Variants in PCDHGB4 observed in about 807,000 individuals in gnomAD.
The protein encoded by PCDHGB4 is protocadherin gamma subfamily B, 4.
PCDHGB4 carries 38 observed loss-of-function variants against 60.5 expected under a neutral mutation model. That is an observed-to-expected ratio of 0.63 (90% CI 0.48 to 0.82). PCDHGB4 has a LOEUF of 0.82. PCDHGB4 is among the 40% of genes least tolerant of loss of function. PCDHGB4 has a pLI of 0.00. For synonymous variants in PCDHGB4, 456 were observed against 509.7 expected (o/e 0.89, Z 1.42); for missense variants, 1,109 against 1,209.6 (o/e 0.92, Z 1.23).
At position 141,482,089 on chromosome 5, in the gene PCDHGB4, CAAA is replaced by C. The variant is rs36035257; in HGVS notation, c.2398-12704_2398-12702del. 2.7e-4 allele frequency among the ~76,000 whole-genome samples: 36 copies of C among 134,496 alleles called. No individual in the cohort carries two copies. The East Asian group carries it at 3.5e-3, about 13-fold the overall frequency. The allele number at this position is 134,496 out of a possible 152,430, so 88.2% of individuals were successfully genotyped here. On this transcript the variant is annotated intron_variant, in intron 1 of 3. Coordinates refer to ENST00000519479, the MANE Select transcript of PCDHGB4 (RefSeq NM_003736.4). ...AACAAGAACAAAACTCACTCCATCTCAAAAAAAAAAAAAAAATATCTAGAGATG... is the reference window on the plus strand; with the variant it reads ...AACAAGAACAAAACTCACTCCATCTCAAAAAAAAAAAAATATCTAGAGATG...
chr5:141,410,780 A>T, intron 1 of PCDHGB4: 1 of 803,810 alleles, frequency 1.2e-6, no homozygotes. Context: ...TTCACTATGT[A>T]TTTGGTTCAT....
chr5:141,460,795 G>GTA (rs2154567069), intron 1 of PCDHGB4, among the ~76,000 whole-genome samples: 1 of 151,608 alleles, frequency 6.6e-6, no homozygotes, highest in East Asian at 1.9e-4. Flanking sequence ...TACACACAAA[G>GTA]TATATATATG....
chr5:141,410,602 T>A, intron 1 of PCDHGB4: 4 of 1,607,792 alleles, frequency 2.5e-6, no homozygotes, highest in South Asian at 2.2e-5. Flanking sequence ...TGACTTCACA[T>A]CCTGAGACTC....
chr5:141,496,132 C>T (rs865808904), intron 2 of PCDHGB4, among the ~76,000 whole-genome samples: 1 of 152,058 alleles, frequency 6.6e-6, no homozygotes, highest in African/African-American at 2.4e-5. Flanking sequence ...CCCTCACACA[C>T]TGAGCCTTTG....
Position 141,423,176 on chromosome 5 carries a change from A to C in PCDHGB4, c.2397+32895A>C, listed in dbSNP as rs781125798. Reference sequence around the variant, plus strand: ...AGCCTCGTGGTGGCCGTCCAGGACCACGGCCAGCCCCCTCTCTCGGCCACC... The same window carrying C: ...AGCCTCGTGGTGGCCGTCCAGGACCCCGGCCAGCCCCCTCTCTCGGCCACC... On this transcript the variant is annotated intron_variant, in intron 1 of 3. Transcript: ENST00000519479. 1.7e-5 allele frequency: 28 copies of C among 1,613,356 alleles called. No homozygotes were observed. In the African/African-American group the frequency reaches 3.6e-4, roughly 21 times the overall value.
intron 1 of PCDHGB4, among the ~76,000 whole-genome samples, chr5:141,483,644 G>A (rs2099584188): frequency 6.8e-6 from 1 of 146,522 alleles, no homozygotes; most frequent in African/African-American, 2.7e-5. Context: ...AGAGGGGTGT[G>A]TGTTTGTGTG....
rs1345089798 is a variant in PCDHGB4 at position 141,388,712 on chromosome 5, G to C, written c.828G>C (p.Glu276Asp). ...ATDQDEGVNA[E>D]ITFSFSEASQ... ...ACCAGGATGAGGGTGTCAATGCCGA[G>C]ATTACTTTCTCTTTCAGTGAAGCTA... The change falls in exon 1 of 4, where the codon GAG becomes GAC. Residue 276 changes from glutamate (E) to aspartate (D), a missense_variant. Physicochemically the swap from Glu to Asp is conservative, Grantham distance 45. Transcript: ENST00000519479. 3.7e-6 allele frequency: 6 copies of C among 1,613,868 alleles called. No homozygotes were observed. Among genetic ancestry groups the C allele is most frequent in the Non-Finnish European group, 5.1e-6 (6 of 1,179,906 alleles).
chr5:141,405,435 T>C, intron 1 of PCDHGB4: 1 of 1,463,324 alleles, frequency 6.8e-7, no homozygotes, highest in Non-Finnish European at 9.3e-7. Context: ...TTGTTTTGTT[T>C]TTGAGACAGA....
chr5:141,462,471 C>T (rs1464947091), intron 1 of PCDHGB4, among the ~76,000 whole-genome samples: 1 of 152,020 alleles, frequency 6.6e-6, no homozygotes, highest in East Asian at 1.9e-4. Context: ...GTGTATTCTG[C>T]TTCTCGTGGT....
chr5:141,499,921 C>A, intron 2 of PCDHGB4, among the ~76,000 whole-genome samples: 1 of 152,128 alleles, frequency 6.6e-6, no homozygotes, highest in Middle Eastern at 3.2e-3. Context: ...CTCCTGGCCT[C>A]AAGTGATCCA....
chr5:141,399,300 C>T (rs985419238), intron 1 of PCDHGB4: 3 of 1,613,792 alleles, frequency 1.9e-6, no homozygotes, highest in Non-Finnish European at 2.5e-6. Flanking sequence ...TTAAGATTAT[C>T]TCTTCATCCA....
intron 1 of PCDHGB4, chr5:141,403,224 A>G (rs753308307): frequency 2.0e-5 from 32 of 1,613,820 alleles, no homozygotes; most frequent in Non-Finnish European, 2.5e-5. Context: ...GGTAGGATAG[A>G]CCGGGAGGAG....
At chr5:141,500,182 ATT>A (rs1199992745) in intron 2 of PCDHGB4, among the ~76,000 whole-genome samples, 2 of 131,622 alleles carry the variant, frequency 1.5e-5, no homozygotes, top group African/African-American at 3.1e-5. Flanking sequence ...CTTCATTTTT[ATT>A]TTTATTTATT....
chr5:141,434,820 G>A (rs953824837), intron 1 of PCDHGB4, among the ~76,000 whole-genome samples: 1 of 151,302 alleles, frequency 6.6e-6, no homozygotes, highest in Admixed American at 6.6e-5. Flanking sequence ...ATATCCCTTA[G>A]TACACTTGGC....
At position 141,477,763 on chromosome 5, in the gene PCDHGB4, C is replaced by A. The variant is rs763322593; in HGVS notation, c.2398-17044C>A. On this transcript the variant is annotated intron_variant, in intron 1 of 3. Coordinates refer to ENST00000519479, the MANE Select transcript of PCDHGB4 (RefSeq NM_003736.4). The surrounding 1 kb of genome is among the most constrained non-coding windows in gnomAD (Gnocchi z 4.9). ...ATGGGGGCACCCCGGTCCTAGCCAC[C>A]AACATCAGCGTGAACATATTTGTCA... 5.0e-6 allele frequency: 8 copies of A among 1,613,894 alleles called. No homozygotes were observed. The East Asian group carries it at 1.6e-4, about 31-fold the overall frequency.
chr5:141,477,344 A>C lies in PCDHGB4; in HGVS notation c.2398-17463A>C. On this transcript the variant is annotated intron_variant, in intron 1 of 3. Coordinates refer to ENST00000519479, the MANE Select transcript of PCDHGB4 (RefSeq NM_003736.4). The surrounding 1 kb of genome is among the most constrained non-coding windows in gnomAD (Gnocchi z 4.9). Reference sequence around the variant, plus strand: ...TTCCCTCAAGAATTACTTCACTTTGAAAACCAGTGCAGACCTGGATCGGGA... The same window carrying C: ...TTCCCTCAAGAATTACTTCACTTTGCAAACCAGTGCAGACCTGGATCGGGA... 6.2e-7 allele frequency: 1 copy of C among 1,614,154 alleles called. No homozygotes were observed. The highest frequency in any genetic ancestry group is 8.5e-7 in the Non-Finnish European group (1 of 1,180,034).
At chr5:141,469,415 A>C (rs2099200751) in intron 1 of PCDHGB4, among the ~76,000 whole-genome samples, 1 of 152,116 alleles carries the variant, frequency 6.6e-6, no homozygotes, top group Admixed American at 6.5e-5. Flanking sequence ...TTTCTACTAA[A>C]AATATAAAAC....
intron 1 of PCDHGB4, chr5:141,423,131 A>G (rs370773437): frequency 1.9e-6 from 3 of 1,613,538 alleles, no homozygotes; most frequent in Admixed American, 1.7e-5. Context: ...GCACTGCTGG[A>G]CAGAGACGCG....
At chr5:141,441,791 C>T in intron 1 of PCDHGB4, 1 of 390,714 alleles carries the variant, frequency 2.6e-6, no homozygotes, top group Non-Finnish European at 5.1e-6. Flanking sequence ...TGAATGACAA[C>T]GCACCGCGGG....
Sources: gnomAD v4.1 joint callset for allele counts (sites outside exome capture counted in the v4.1 genomes callset) on GRCh38, gnomAD v4.1.1 for gene constraint, Gnocchi (gnomAD v3.1) non-coding constraint, MANE v1.5 for transcripts, NCBI Gene and HGNC (gene_info 2026-07-23, HGNC 2026-07-21) for gene names.